SLC8B1: variants seen among roughly 807,000 people sequenced by gnomAD.
SLC8B1 encodes mitochondrial sodium/calcium exchanger protein.
A neutral mutation model predicts 63.4 loss-of-function variants in SLC8B1; 52 were observed. The observed-to-expected ratio is 0.82, with a 90% CI of 0.66 to 1.03. The LOEUF is 1.03. SLC8B1 is among the 50% of genes least tolerant of loss of function. The pLI is 0.00. For missense variants in SLC8B1, 657 were observed against 741.7 expected, an observed-to-expected ratio of 0.89 and a Z score of 1.33; for synonymous variants, 336 against 323.9, an observed-to-expected ratio of 1.04 and a Z score of -0.40.
chr12:113,318,020 G>A (rs1956859620), intron 8 of SLC8B1, among the ~76,000 whole-genome samples: 1 of 152,098 alleles, frequency 6.6e-6, no homozygotes, highest in Non-Finnish European at 1.5e-5. Context: ...TTGCATGTGT[G>A]TGCACATATT....
Position 113,320,299 on chromosome 12 carries a change from G to A in SLC8B1, c.694+32C>T, listed in dbSNP as rs1393099831. 1.2e-6 allele frequency: 2 copies of A among 1,609,710 alleles called. No homozygotes were observed. Among genetic ancestry groups the A allele is most frequent in the East Asian group, 2.2e-5 (1 of 44,836 alleles). On this transcript the variant is annotated intron_variant, in intron 7 of 15. Transcript: ENST00000680972. The surrounding 1 kb of genome is among the most constrained non-coding windows in gnomAD (Gnocchi z 5.3). ...CTAAACCTCCTGCCCATCAGCCCTG[G>A]GATCTCACGCCTGAGCCCCAGAGCT...
At chr12:113,303,348 TGAAA>T (rs1956625089) in intron 15 of SLC8B1, among the ~76,000 whole-genome samples, 1 of 152,154 alleles carries the variant, frequency 6.6e-6, no homozygotes, top group Non-Finnish European at 1.5e-5. Context: ...ATGGCCAGTG[TGAAA>T]GAAACACCCT....
intron 2 of SLC8B1, among the ~76,000 whole-genome samples, chr12:113,328,172 C>T (rs932971059): frequency 4.1e-4 from 63 of 152,114 alleles, no homozygotes; most frequent in Admixed American, 1.3e-4. Flanking sequence ...GCTGGCACCA[C>T]AGGTGCGCAT....
chr12:113,314,513 G>A (rs140551454), intron 11 of SLC8B1, among the ~76,000 whole-genome samples: 3 of 152,344 alleles, frequency 2.0e-5, no homozygotes, highest in Non-Finnish European at 4.4e-5. Flanking sequence ...AAGCCTGGGC[G>A]TTTCCTCAGC....
At chr12:113,316,023 G>A (rs1420762189) in intron 10 of SLC8B1, among the ~76,000 whole-genome samples, 1 of 152,150 alleles carries the variant, frequency 6.6e-6, no homozygotes, top group Non-Finnish European at 1.5e-5. Context: ...AGGAGATTGA[G>A]ACCATCCTGG....
In SLC8B1 at chr12:113,320,787, T is replaced by C; in HGVS notation, c.420+63A>G. The stretch of plus-strand genomic sequence containing the variant: ...CCCCACACGGGGATAGACATGACCC[T>C]ATCTCCCAGCCTCCCCACAACTGCC... On this transcript the variant is annotated intron_variant, in intron 5 of 15. Coordinates refer to ENST00000680972, the MANE Select transcript of SLC8B1 (RefSeq NM_001358345.2). This position sits in a 1 kb window ranked among gnomAD's most constrained non-coding sequence, Gnocchi z 5.3. The C allele has an allele frequency of 1.9e-6, 3 of 1,577,896 alleles. No individual in the cohort carries two copies. The highest frequency in any genetic ancestry group is 2.6e-6 in the Non-Finnish European group (3 of 1,161,798).
At position 113,324,140 on chromosome 12, in the gene SLC8B1, C is replaced by T. The variant is rs572807551; in HGVS notation, c.157-2792G>A. On this transcript the variant is annotated intron_variant, in intron 2 of 15. Coordinates refer to ENST00000680972, the MANE Select transcript of SLC8B1 (RefSeq NM_001358345.2). ...CAACTTGGGTAACATAGTAAGACCC[C>T]ATTGCTACAAAAAAATTTAAAAATG... Among the ~76,000 whole-genome samples, 157 of 152,050 alleles carry T rather than the reference C, an allele frequency of 1.0e-3. 2 individuals are homozygous for T. Among genetic ancestry groups the T allele is most frequent in the South Asian group, 5.8e-3 (28 of 4,808 alleles).
chr12:113,303,148 C>T (rs1956621942), intron 15 of SLC8B1, among the ~76,000 whole-genome samples: 1 of 151,778 alleles, frequency 6.6e-6, no homozygotes, highest in South Asian at 2.1e-4. Flanking sequence ...CACACGCGCG[C>T]GCACAGGAGA....
chr12:113,312,778 T>C (rs1232224968), intron 11 of SLC8B1, among the ~76,000 whole-genome samples: 1 of 152,248 alleles, frequency 6.6e-6, no homozygotes, highest in Non-Finnish European at 1.5e-5. Flanking sequence ...TCTATCATTG[T>C]ATCAAGGAGA....
rs570664758 is a variant in SLC8B1, at chr12:113,320,879, T to C, written c.391A>G (p.Thr131Ala). Residue 131 changes from threonine (T) to alanine (A), a missense_variant, in exon 5 of 16, where the codon ACC becomes GCC. By Grantham distance (58) the Thr-to-Ala change is moderately conservative. Transcript: ENST00000680972. This position sits in a 1 kb window ranked among gnomAD's most constrained non-coding sequence, Gnocchi z 5.3. ...FFCPNLSAIS[T>A]TLKLSHNVAG... ...ACGTTGTGGGAGAGCTTCAGTGTGG[T>C]AGAAATGGCCGACAAGTTGGGGCAG... The C allele has an allele frequency of 3.7e-6, 6 of 1,607,024 alleles. No individual in the cohort carries two copies. Among genetic ancestry groups the C allele is most frequent in the African/African-American group, 2.7e-5 (2 of 74,944 alleles).
At position 113,321,299 on chromosome 12, in the gene SLC8B1, C is replaced by A; in HGVS notation, c.206G>T (p.Arg69Leu). Residue 69 changes from arginine (R) to leucine (L), a missense_variant, in exon 3 of 16, where the codon CGG becomes CTG. Coordinates refer to ENST00000680972, the MANE Select transcript of SLC8B1 (RefSeq NM_001358345.2). ...ATCACTGTGGCAGTCAGGGTTGGTC[C>A]GGATGAAGTCACAGCGGTCAGAGAC... is the stretch of plus-strand genomic sequence containing the variant. ...LNVSDRCDFIRTNPDCHSDGG... is the reference protein window; with the variant it reads ...LNVSDRCDFILTNPDCHSDGG... The A allele has an allele frequency of 6.2e-7, 1 of 1,614,062 alleles. No homozygotes were observed. The highest frequency in any genetic ancestry group is 8.5e-7 in the Non-Finnish European group (1 of 1,180,024).
In SLC8B1 at chr12:113,299,396, G is replaced by A; in HGVS notation, c.*381C>T. On this transcript the variant is annotated 3_prime_UTR_variant, in exon 16 of 16. Coordinates refer to ENST00000680972, the MANE Select transcript of SLC8B1 (RefSeq NM_001358345.2). ...CCAGAAGGCCTGAAGCCCAGGCAAG[G>A]GGAACGGGCAGTGCCTGTGCCTCGG... 1 of 244,788 alleles carries A rather than the reference G, an allele frequency of 4.1e-6. No individual in the cohort carries two copies. The highest frequency in any genetic ancestry group is 8.3e-6 in the Non-Finnish European group (1 of 121,014). The allele number at this position is 244,788 out of a possible 1,614,324, so 15.2% of individuals were successfully genotyped here.
At chr12:113,300,812 C>T (rs531889811) in intron 15 of SLC8B1, among the ~76,000 whole-genome samples, 2 of 152,286 alleles carry the variant, frequency 1.3e-5, no homozygotes, top group Non-Finnish European at 1.5e-5. Context: ...GGATGTTCAC[C>T]ACTTACTGTG....
intron 11 of SLC8B1, among the ~76,000 whole-genome samples, chr12:113,311,206 T>C (rs1956755416): frequency 6.6e-6 from 1 of 152,074 alleles, no homozygotes; most frequent in South Asian, 2.1e-4. Context: ...ATCCCAGCAC[T>C]TGGGGAAGCT....
intron 10 of SLC8B1, among the ~76,000 whole-genome samples, chr12:113,316,014 G>A (rs1593248494): frequency 6.6e-6 from 1 of 152,162 alleles, no homozygotes; most frequent in African/African-American, 2.4e-5. Flanking sequence ...CACGAGGTCA[G>A]GAGATTGAGA....
chr12:113,307,942 C>G, intron 12 of SLC8B1, 98 bp from the exon 13 acceptor site: 4 of 1,415,546 alleles, frequency 2.8e-6, no homozygotes, highest in Non-Finnish European at 3.8e-6. Context: ...CAGTATCTAC[C>G]TCATGAGCTT....
Position 113,321,268 on chromosome 12 carries a change from C to T in SLC8B1, c.237G>A (p.Gly79=). 6.8e-6 allele frequency: 11 copies of T among 1,614,108 alleles called. No homozygotes were observed. Among genetic ancestry groups the T allele is most frequent in the East Asian group, 2.2e-5 (1 of 44,878 alleles). ...RTNPDCHSDG[G]YLDYLEGIFC... is the part of the protein sequence containing the mutation. ...AGATGCCTTCCAGGTAGTCCAGGTA[C>T]CCCCCATCACTGTGGCAGTCAGGGT... The change falls in exon 3 of 16, where the codon GGG becomes GGA. Residue 79 remains glycine (G), a synonymous_variant. Coordinates refer to ENST00000680972, the MANE Select transcript of SLC8B1 (RefSeq NM_001358345.2).
At chr12:113,314,701 GT>G (rs1225536987) in intron 11 of SLC8B1, among the ~76,000 whole-genome samples, 3 of 152,188 alleles carry the variant, frequency 2.0e-5, no homozygotes, top group African/African-American at 7.2e-5. Context: ...GCTCCAGCCA[GT>G]TTTGCCTTCA....
rs914640544 is a variant in SLC8B1, at chr12:113,324,563, C to T, written c.157-3215G>A. On this transcript the variant is annotated intron_variant, in intron 2 of 15. Transcript: ENST00000680972. ...CTGGGACTACAGGTGCCCACCGACA[C>T]GCCCGGCTAAGTTTTGTATTTTTAG... is the stretch of plus-strand genomic sequence containing the variant. Among the ~76,000 whole-genome samples, 7 of 151,732 alleles carry T rather than the reference C, an allele frequency of 4.6e-5. No individual in the cohort carries two copies. The East Asian group carries it at 5.8e-4, about 13-fold the overall frequency.
Sources: allele counts gnomAD v4.1 joint callset (sites outside exome capture counted in the v4.1 genomes callset), GRCh38; gene constraint gnomAD v4.1.1; non-coding constraint Gnocchi (gnomAD v3.1); transcripts MANE v1.5; gene names NCBI Gene and HGNC (gene_info 2026-07-23, HGNC 2026-07-21).